Variants in TBC1D4 observed in about 807,000 individuals in gnomAD.
The protein encoded by TBC1D4 is TBC1 domain family member 4, also known as TBC (Tre-2, BUB2, CDC16) domain-containing protein.
A neutral mutation model predicts 142.5 loss-of-function variants in TBC1D4; 121 were observed. The observed-to-expected ratio is 0.85, with a 90% CI of 0.73 to 0.99. The LOEUF (loss-of-function observed/expected upper bound fraction) is 0.99, where lower values mean the gene tolerates loss of function less well. Among genes scored for constraint, TBC1D4 ranks in the 50% least tolerant of loss-of-function variants. The pLI is 0.00. For synonymous variants in TBC1D4, 630 were observed against 628.2 expected, an observed-to-expected ratio of 1.00 and a Z score of -0.04; for missense variants, 1,475 against 1,606.6, an observed-to-expected ratio of 0.92 and a Z score of 1.40.
chr13:75,337,108 G>T, intron 7 of TBC1D4, 68 bp from the exon 8 acceptor site: 4 of 1,435,374 alleles, frequency 2.8e-6, no homozygotes, highest in Non-Finnish European at 2.9e-6. Flanking sequence ...TTTAATTATA[G>T]GCTTAAGACT....
At chr13:75,450,031 TGAA>T (rs967941075) in intron 1 of TBC1D4, among the ~76,000 whole-genome samples, 10 of 152,222 alleles carry the variant, frequency 6.6e-5, no homozygotes, top group African/African-American at 2.4e-4. Flanking sequence ...CACACAAATA[TGAA>T]GAATAAACCT....
At chr13:75,321,760 C>G (rs1566376442) in intron 11 of TBC1D4, among the ~76,000 whole-genome samples, 1 of 152,040 alleles carries the variant, frequency 6.6e-6, no homozygotes, top group African/African-American at 2.4e-5. Flanking sequence ...GAAGACAGGA[C>G]TCTTTTTGAA....
chr13:75,305,304 C>T (rs1593892570), intron 15 of TBC1D4, among the ~76,000 whole-genome samples: 1 of 152,158 alleles, frequency 6.6e-6, no homozygotes, highest in East Asian at 1.9e-4. Flanking sequence ...TAAAAATGGA[C>T]TAGTACAAAG....
At chr13:75,348,498 A>T (rs558139391) in intron 5 of TBC1D4, among the ~76,000 whole-genome samples, 1 of 152,322 alleles carries the variant, frequency 6.6e-6, no homozygotes, top group African/African-American at 2.4e-5. Flanking sequence ...ACTAGTGTTT[A>T]TTAAATTGTG....
intron 1 of TBC1D4, among the ~76,000 whole-genome samples, chr13:75,479,719 G>A (rs1888756145): frequency 6.6e-6 from 1 of 151,904 alleles, no homozygotes; most frequent in Non-Finnish European, 1.5e-5. Flanking sequence ...AAATGTAATA[G>A]CTTTCAGAAA....
At chr13:75,450,591 G>A (rs774575238) in intron 1 of TBC1D4, among the ~76,000 whole-genome samples, 2 of 152,222 alleles carry the variant, frequency 1.3e-5, no homozygotes, top group Non-Finnish European at 1.5e-5. Context: ...CTGGAGCATC[G>A]GTTTGTGACA....
chr13:75,363,166 T>A (rs960246717), intron 1 of TBC1D4, among the ~76,000 whole-genome samples: 1 of 152,150 alleles, frequency 6.6e-6, no homozygotes, highest in Non-Finnish European at 1.5e-5. Flanking sequence ...CACAGACATA[T>A]AAAATGACAC....
At chr13:75,335,736 G>A (rs1880140833) in intron 8 of TBC1D4, among the ~76,000 whole-genome samples, 1 of 152,110 alleles carries the variant, frequency 6.6e-6, no homozygotes, top group Non-Finnish European at 1.5e-5. Context: ...CACCATGTGA[G>A]ATGTCTCACT....
At chr13:75,479,086 A>C (rs1448491559) in intron 1 of TBC1D4, among the ~76,000 whole-genome samples, 5 of 152,190 alleles carry the variant, frequency 3.3e-5, no homozygotes, top group Non-Finnish European at 7.3e-5. Context: ...TTCCAAGTGG[A>C]GCTAAGTAGC....
chr13:75,420,393 T>C (rs1338466539), intron 1 of TBC1D4, among the ~76,000 whole-genome samples: 1 of 152,222 alleles, frequency 6.6e-6, no homozygotes, highest in Non-Finnish European at 1.5e-5. Flanking sequence ...AAATCATAAA[T>C]ACAAGTCAGC....
chr13:75,285,845 C>T lies in TBC1D4; in HGVS notation c.*947G>A, dbSNP rs1874619891. On this transcript the variant is annotated 3_prime_UTR_variant, in exon 21 of 21. Coordinates refer to ENST00000377636, the MANE Select transcript of TBC1D4 (RefSeq NM_014832.5). ...AAGGTAGAGAGACCTAAATTACAAG[C>T]ACTCACAATTTGGTGGGAAAGTGGC... 6.6e-6 allele frequency: 1 copy of T among 152,552 alleles called. No homozygotes were observed. Among genetic ancestry groups the T allele is most frequent in the African/African-American group, 2.4e-5 (1 of 41,432 alleles). 9.4% of individuals were successfully genotyped at this position (152,552 alleles called of 1,614,324 possible).
In TBC1D4 at chr13:75,326,404, G is replaced by C. The variant is rs1879265408; in HGVS notation, c.1826C>G (p.Ser609Cys). The C allele has an allele frequency of 6.2e-7, 1 of 1,614,160 alleles. No homozygotes were observed. The highest frequency in any genetic ancestry group is 8.5e-7 in the Non-Finnish European group (1 of 1,180,028). The change falls in exon 10 of 21, where the codon TCT becomes TGT. Residue 609 changes from serine (S) to cysteine (C), a missense_variant. By Grantham distance (112) the Ser-to-Cys change is moderately radical. Coordinates refer to ENST00000377636, the MANE Select transcript of TBC1D4 (RefSeq NM_014832.5). ...ASEKDYSPGD[S>C]PPGTPPASPP... ...GGACGCTGGCGGTGTCCCTGGTGGA[G>C]AATCCCCTGGTGAGTAGTCCTGAAA...
chr13:75,458,131 G>C (rs1413856976), intron 1 of TBC1D4, among the ~76,000 whole-genome samples: 2 of 152,142 alleles, frequency 1.3e-5, no homozygotes, highest in African/African-American at 4.8e-5. Flanking sequence ...CATCCAGGAG[G>C]AATCAGGTCA....
At chr13:75,327,602 G>T in intron 9 of TBC1D4, 150 bp downstream of exon 9, 1 of 775,548 alleles carries the variant, frequency 1.3e-6, no homozygotes, top group Non-Finnish European at 2.1e-6. Flanking sequence ...CTAATGCCTA[G>T]AATCTTCTTA....
chr13:75,363,118 G>A (rs927551348), intron 1 of TBC1D4, among the ~76,000 whole-genome samples: 35 of 152,150 alleles, frequency 2.3e-4, no homozygotes, highest in African/African-American at 8.2e-4. Flanking sequence ...AAGACTGCCA[G>A]CAAGGACATG....
chr13:75,474,292 G>C (rs183900714), intron 1 of TBC1D4, among the ~76,000 whole-genome samples: 101 of 152,350 alleles, frequency 6.6e-4, no homozygotes, highest in African/African-American at 2.2e-3. Flanking sequence ...GGGCACAGTG[G>C]CTCACGCCTG....
intron 1 of TBC1D4, among the ~76,000 whole-genome samples, chr13:75,405,533 A>G (rs1413864058): frequency 6.6e-6 from 1 of 152,188 alleles, no homozygotes; most frequent in Non-Finnish European, 1.5e-5. Context: ...TGGCCTCCCA[A>G]AGTGCTAAGA....
chr13:75,325,769 T>G (rs1879182743), intron 10 of TBC1D4, among the ~76,000 whole-genome samples: 1 of 152,072 alleles, frequency 6.6e-6, no homozygotes, highest in South Asian at 2.1e-4. Flanking sequence ...AAATATTATC[T>G]CATGTATGAA....
chr13:75,420,927 A>G (rs1886139461), intron 1 of TBC1D4, among the ~76,000 whole-genome samples: 1 of 152,296 alleles, frequency 6.6e-6, no homozygotes, highest in Admixed American at 6.5e-5. Context: ...GAAAAGACCA[A>G]GCAGTTATAA....
Sources: gnomAD v4.1 joint callset for allele counts (sites outside exome capture counted in the v4.1 genomes callset) on GRCh38, gnomAD v4.1.1 for gene constraint, MANE v1.5 for transcripts, NCBI Gene and HGNC (gene_info 2026-07-23, HGNC 2026-07-21) for gene names.